Variants in PTPRF observed in about 807,000 individuals in gnomAD.
PTPRF encodes the protein protein tyrosine phosphatase receptor type F.
PTPRF carries 59 observed loss-of-function variants against 201.8 expected under a neutral mutation model. The ratio of observed to expected loss-of-function variants is 0.29; its 90% CI spans 0.24 to 0.36. The LOEUF (loss-of-function observed/expected upper bound fraction) is 0.36. PTPRF is among the 10% of genes least tolerant of loss of function. The pLI is 1.00. For missense variants in PTPRF, 2,132 were observed against 2,690.5 expected, an observed-to-expected ratio of 0.79 and a Z score of 4.59; for synonymous variants, 1,088 against 1,089.7, an observed-to-expected ratio of 1.00 and a Z score of 0.03.
Position 43,606,826 on chromosome 1 carries a change from T to C in PTPRF, c.3715T>C (p.Ser1239Pro), listed in dbSNP as rs768005889. The C allele has an allele frequency of 1.2e-6, 2 of 1,613,778 alleles. No individual in the cohort carries two copies. Among genetic ancestry groups the C allele is most frequent in the East Asian group, 2.2e-5 (1 of 44,868 alleles). Reference protein sequence around the residue: ...KEPMDQKRYASSPYSDEIVVQ... With the variant: ...KEPMDQKRYAPSPYSDEIVVQ... ...CACCGGGCCACAGAAGCGCTATGCCTCCAGCCCCTACTCGGATGAGATCGT... is the reference window on the plus strand; with the variant it reads ...CACCGGGCCACAGAAGCGCTATGCCCCCAGCCCCTACTCGGATGAGATCGT... The change falls in exon 21 of 34, where the codon TCC becomes CCC. Residue 1239 changes from serine to proline, a missense_variant. By Grantham distance (74) the Ser-to-Pro change is moderately conservative. Coordinates refer to ENST00000359947, the MANE Select transcript of PTPRF (RefSeq NM_002840.5).
chr1:43,620,418 T>C, intron 30 of PTPRF, 36 bp from the exon 31 acceptor site: 5 of 1,585,286 alleles, frequency 3.2e-6, no homozygotes, highest in Non-Finnish European at 4.3e-6. Context: ...CTATTCCTTC[T>C]CACCTGATTA....
Position 43,599,033 on chromosome 1 carries a change from C to G in PTPRF, c.2313+120C>G, listed in dbSNP as rs74070627. ...CTGCCCTCAGCAGTGCTGTGACTGCCTTTCCTTGGTTGTGAGACCCGAGAT... is the reference window on the plus strand; with the variant it reads ...CTGCCCTCAGCAGTGCTGTGACTGCGTTTCCTTGGTTGTGAGACCCGAGAT... On this transcript the variant is annotated intron_variant, in intron 13 of 33. Coordinates refer to ENST00000359947, the MANE Select transcript of PTPRF (RefSeq NM_002840.5). The G allele has an allele frequency of 1.1e-3, 1,248 of 1,118,678 alleles. 6 individuals are homozygous for G. In the African/African-American group the frequency reaches 0.017, roughly 15 times the overall value. 69.3% of individuals were successfully genotyped at this position (1,118,678 alleles called of 1,614,324 possible).
At chr1:43,585,369 C>T (rs1171125514) in intron 7 of PTPRF, among the ~76,000 whole-genome samples, 1 of 152,190 alleles carries the variant, frequency 6.6e-6, no homozygotes, top group African/African-American at 2.4e-5. Context: ...CACCCTTCCT[C>T]TGTAGACATA....
rs777593423 is a variant in PTPRF, at chr1:43,591,435, C to T, written c.1413C>T (p.Leu471=). 11 of 1,588,928 alleles carry T rather than the reference C, an allele frequency of 6.9e-6. No homozygotes were observed. The highest frequency in any genetic ancestry group is 8.5e-7 in the Non-Finnish European group (1 of 1,169,920). Residue 471 remains leucine, a synonymous_variant, in exon 9 of 34, where the codon CTC becomes CTT. Coordinates refer to ENST00000359947, the MANE Select transcript of PTPRF (RefSeq NM_002840.5). ...ACAAGCACAACACCGACGCGGGGCT[C>T]CTCACGACCGTGGGCAGCCTGCTGC... ...AWHKHNTDAG[L]LTTVGSLLPG...
chr1:43,599,597 G>C (rs1653236543), intron 13 of PTPRF, among the ~76,000 whole-genome samples: 1 of 152,188 alleles, frequency 6.6e-6, no homozygotes, highest in African/African-American at 2.4e-5. Flanking sequence ...TCAAGAGCTA[G>C]GCCTGCTGGC....
intron 7 of PTPRF, among the ~76,000 whole-genome samples, chr1:43,584,038 C>T (rs949638762): frequency 4.6e-5 from 7 of 152,170 alleles, no homozygotes; most frequent in African/African-American, 1.7e-4. Flanking sequence ...GGAAGGGTTT[C>T]CTGGAGACTG....
intron 12 of PTPRF, 136 bp from the exon 13 acceptor site, chr1:43,598,584 G>T: frequency 1.2e-6 from 1 of 828,660 alleles, no homozygotes; most frequent in Non-Finnish European, 1.9e-6. Flanking sequence ...ACCAGGGACA[G>T]ATGATCTAAG....
At chr1:43,620,422 C>T in intron 30 of PTPRF, 32 bp from the exon 31 acceptor site, 1 of 1,590,038 alleles carries the variant, frequency 6.3e-7, no homozygotes, top group Non-Finnish European at 8.6e-7. Flanking sequence ...TCCTTCTCAC[C>T]TGATTATGGG....
intron 23 of PTPRF, among the ~76,000 whole-genome samples, chr1:43,614,936 C>T (rs1341553870): frequency 2.0e-5 from 3 of 152,134 alleles, no homozygotes; most frequent in African/African-American, 7.2e-5. Context: ...CTTCCACCTC[C>T]TCCAAGCAGC....
chr1:43,536,368 C>T (rs1424341436), intron 1 of PTPRF, among the ~76,000 whole-genome samples: 2 of 152,188 alleles, frequency 1.3e-5, no homozygotes, highest in African/African-American at 2.4e-5. Context: ...TTCTGTGTGC[C>T]TCAGGGTCTT....
intron 11 of PTPRF, among the ~76,000 whole-genome samples, chr1:43,596,927 C>G (rs1396337237): frequency 2.0e-5 from 3 of 151,812 alleles, no homozygotes; most frequent in Admixed American, 2.0e-4. Flanking sequence ...TGTGAGACAC[C>G]AAGACACGGG....
chr1:43,552,432 A>G (rs1645095740), intron 3 of PTPRF, among the ~76,000 whole-genome samples: 1 of 152,198 alleles, frequency 6.6e-6, no homozygotes, highest in Admixed American at 6.5e-5. Context: ...GATAATAGCA[A>G]TGAAGGACTA....
rs147845287 is a variant in PTPRF at position 43,616,877 on chromosome 1, G to C, written c.4072-568G>C. On this transcript the variant is annotated intron_variant, in intron 23 of 33. Coordinates refer to ENST00000359947, the MANE Select transcript of PTPRF (RefSeq NM_002840.5). ...CCCAGGAAAGGTTGTAGAGAGAGAA[G>C]AGGGCCTAGAAGGAACCCTGGAGGA... is the stretch of plus-strand genomic sequence containing the variant. Among the ~76,000 whole-genome samples, 104 of 152,248 alleles carry C rather than the reference G, an allele frequency of 6.8e-4. No individual in the cohort carries two copies. In the Middle Eastern group the frequency reaches 0.017, roughly 25 times the overall value.
At chr1:43,585,903 A>G (rs6698389) in intron 7 of PTPRF, among the ~76,000 whole-genome samples, 41,997 of 152,118 alleles carry the variant, frequency 0.28, 6,915 homozygotes, top group Non-Finnish European at 0.37. Context: ...GCCTGCAATC[A>G]TGACCTCTCC....
At chr1:43,612,463 G>C (rs1357055601) in intron 22 of PTPRF, among the ~76,000 whole-genome samples, 1 of 152,158 alleles carries the variant, frequency 6.6e-6, no homozygotes, top group African/African-American at 2.4e-5. Context: ...AAGGGGCAGG[G>C]CTGGTTTGGA....
intron 5 of PTPRF, among the ~76,000 whole-genome samples, chr1:43,556,073 C>T (rs1645349173): frequency 6.6e-6 from 1 of 152,080 alleles, no homozygotes; most frequent in Non-Finnish European, 1.5e-5. Context: ...GAAATATCTT[C>T]AAAAAAATAT....
At chr1:43,570,874 G>C (rs1363383752) in intron 6 of PTPRF, among the ~76,000 whole-genome samples, 1 of 152,262 alleles carries the variant, frequency 6.6e-6, no homozygotes, top group Non-Finnish European at 1.5e-5. Context: ...AATCAAGGCA[G>C]CAAACGGCCG....
At chr1:43,586,518 C>G (rs920496662) in intron 7 of PTPRF, among the ~76,000 whole-genome samples, 2 of 152,246 alleles carry the variant, frequency 1.3e-5, no homozygotes, top group African/African-American at 4.8e-5. Flanking sequence ...TCCACCTGTT[C>G]TGCCACAAGA....
At chr1:43,560,418 C>T (rs3000761) in intron 5 of PTPRF, among the ~76,000 whole-genome samples, 44,920 of 149,780 alleles carry the variant, frequency 0.3, 7,314 homozygotes, top group South Asian at 0.41. Context: ...GTGTGGAGTG[C>T]ACAGCAGGTG....
Sources: allele counts gnomAD v4.1 joint callset (sites outside exome capture counted in the v4.1 genomes callset), GRCh38; gene constraint gnomAD v4.1.1; transcripts MANE v1.5; gene names NCBI Gene and HGNC (gene_info 2026-07-23, HGNC 2026-07-21).